The following TAFA5 variants were observed in gnomAD, a reference collection of about 807,000 sequenced individuals.
TAFA5 encodes chemokine-like protein TAFA-5.
TAFA5 carries 6 observed loss-of-function variants against 15.3 expected under a neutral mutation model. The observed-to-expected ratio is 0.39, with a 90% CI of 0.21 to 0.77. TAFA5 has a LOEUF of 0.77. Among genes scored for constraint, TAFA5 ranks in the 30% least tolerant of loss-of-function variants. The pLI is 0.41. For synonymous variants in TAFA5, 103 were observed against 80.7 expected (o/e 1.28, Z -1.48); for missense variants, 161 against 193.1 (o/e 0.83, Z 0.98).
At chr22:48,609,844 G>A (rs1925334615) in intron 1 of TAFA5, among the ~76,000 whole-genome samples, 1 of 152,174 alleles carries the variant, frequency 6.6e-6, no homozygotes, top group African/African-American at 2.4e-5. Flanking sequence ...GGCAGCCCTT[G>A]GCTTCCACCT....
At chr22:48,721,119 G>A (rs1929556913) in intron 3 of TAFA5, among the ~76,000 whole-genome samples, 2 of 152,342 alleles carry the variant, frequency 1.3e-5, no homozygotes, top group East Asian at 1.9e-4. Context: ...CTCGATGGGT[G>A]AGGCTTTGGG....
At chr22:48,565,125 G>A (rs1015929267) in intron 1 of TAFA5, among the ~76,000 whole-genome samples, 5 of 152,220 alleles carry the variant, frequency 3.3e-5, no homozygotes, top group African/African-American at 1.2e-4. Context: ...CCATGGTCAC[G>A]GCAGGCGGGA....
At chr22:48,630,535 C>G (rs1926182933) in intron 1 of TAFA5, among the ~76,000 whole-genome samples, 1 of 152,180 alleles carries the variant, frequency 6.6e-6, no homozygotes, top group South Asian at 2.1e-4. Context: ...TCGCTCGGGC[C>G]CAGGGCAGGT....
At chr22:48,609,531 T>C (rs1925320907) in intron 1 of TAFA5, among the ~76,000 whole-genome samples, 1 of 152,176 alleles carries the variant, frequency 6.6e-6, no homozygotes, top group African/African-American at 2.4e-5. Flanking sequence ...ACCTCGCCTC[T>C]GTCCACGCCT....
chr22:48,494,351 C>T (rs75735423), intron 1 of TAFA5, among the ~76,000 whole-genome samples: 2 of 152,192 alleles, frequency 1.3e-5, no homozygotes, highest in Non-Finnish European at 2.9e-5. Context: ...ATGACCTCTA[C>T]AGATTGCCAC....
intron 3 of TAFA5, among the ~76,000 whole-genome samples, chr22:48,738,094 G>A (rs1048605756): frequency 1.3e-5 from 2 of 152,132 alleles, no homozygotes; most frequent in Admixed American, 1.3e-4. Flanking sequence ...TGGACGGAAT[G>A]GGTGGCCTGC....
intron 1 of TAFA5, among the ~76,000 whole-genome samples, chr22:48,570,887 GT>G (rs1923559410): frequency 2.0e-5 from 3 of 152,196 alleles, no homozygotes; most frequent in African/African-American, 7.2e-5. Context: ...GATTTTACCT[GT>G]TGGAGATTCT....
intron 1 of TAFA5, among the ~76,000 whole-genome samples, chr22:48,535,213 A>G (rs2147115171): frequency 6.6e-6 from 1 of 152,158 alleles, no homozygotes; most frequent in East Asian, 1.9e-4. Context: ...TGATCACCCC[A>G]CCACTGTAGT....
chr22:48,674,045 T>C (rs560153123), intron 2 of TAFA5, among the ~76,000 whole-genome samples: 1 of 125,364 alleles, frequency 8.0e-6, no homozygotes, highest in South Asian at 2.5e-4. Flanking sequence ...CCGCCTCACA[T>C]CTGGACTCCT....
intron 1 of TAFA5, among the ~76,000 whole-genome samples, chr22:48,591,684 C>T (rs565769601): frequency 6.6e-6 from 1 of 152,164 alleles, no homozygotes; most frequent in East Asian, 1.9e-4. Flanking sequence ...ATGCCGGAGC[C>T]TGGGCCTGAC....
At chr22:48,629,138 C>T (rs1379686726) in intron 1 of TAFA5, among the ~76,000 whole-genome samples, 5 of 152,210 alleles carry the variant, frequency 3.3e-5, no homozygotes, top group South Asian at 4.1e-4. Flanking sequence ...CGGCTCCCCT[C>T]GAGGTGGACT....
At chr22:48,610,890 C>T (rs1459767524) in intron 1 of TAFA5, among the ~76,000 whole-genome samples, 1 of 152,050 alleles carries the variant, frequency 6.6e-6, no homozygotes, top group Non-Finnish European at 1.5e-5. Context: ...TGACTTGTGT[C>T]CCTCCCACTC....
At chr22:48,729,019 T>C (rs1364334398) in intron 3 of TAFA5, among the ~76,000 whole-genome samples, 2 of 152,060 alleles carry the variant, frequency 1.3e-5, no homozygotes, top group African/African-American at 4.8e-5. Flanking sequence ...TATCGATCGC[T>C]AAATCTGGAA....
At chr22:48,580,745 G>C (rs1601592488) in intron 1 of TAFA5, among the ~76,000 whole-genome samples, 1 of 152,208 alleles carries the variant, frequency 6.6e-6, no homozygotes, top group East Asian at 1.9e-4. Flanking sequence ...ACCCAGTCTT[G>C]GCATGGGGCT....
intron 1 of TAFA5, among the ~76,000 whole-genome samples, chr22:48,518,999 G>C (rs6008750): frequency 6.6e-6 from 1 of 152,100 alleles, no homozygotes; most frequent in African/African-American, 2.4e-5. Context: ...GAGGGCTCAC[G>C]TCTGCAGTGC....
At chr22:48,656,697 CT>C (rs71316950) in intron 2 of TAFA5, among the ~76,000 whole-genome samples, 13,035 of 82,542 alleles carry the variant, frequency 0.16, 867 homozygotes, top group East Asian at 0.28. Flanking sequence ...ACCAAAAGTT[CT>C]TTTTTTTTTT....
intron 1 of TAFA5, among the ~76,000 whole-genome samples, chr22:48,644,110 A>G (rs190738400): frequency 2.5e-4 from 38 of 152,218 alleles, no homozygotes; most frequent in Non-Finnish European, 4.4e-4. Flanking sequence ...GTATTTATTC[A>G]TCCACTTCTT....
At chr22:48,690,147 C>T (rs965081080) in intron 2 of TAFA5, among the ~76,000 whole-genome samples, 3 of 152,016 alleles carry the variant, frequency 2.0e-5, no homozygotes, top group Admixed American at 2.0e-4. Flanking sequence ...GAAAGATGCT[C>T]ATAACTGCAT....
chr22:48,691,097 G>A (rs115321137), intron 2 of TAFA5, among the ~76,000 whole-genome samples: 1,609 of 152,268 alleles, frequency 0.011, 22 homozygotes, highest in African/African-American at 0.036. Flanking sequence ...AGGCCGCAGC[G>A]GCCGGTGAAG....
Sources: allele counts gnomAD v4.1 joint callset (sites outside exome capture counted in the v4.1 genomes callset), GRCh38; gene constraint gnomAD v4.1.1; transcripts MANE v1.5; gene names NCBI Gene and HGNC (gene_info 2026-07-23, HGNC 2026-07-21).